Variants in VWA8 observed in about 807,000 individuals in gnomAD.
The protein encoded by VWA8 is von Willebrand factor A domain-containing protein 8.
VWA8 carries 221 observed loss-of-function variants against 241.5 expected under a neutral mutation model. The ratio of observed to expected loss-of-function variants is 0.91; its 90% CI spans 0.82 to 1.02. The LOEUF (loss-of-function observed/expected upper bound fraction) is 1.02, where lower values mean the gene tolerates loss of function less well. Among genes scored for constraint, VWA8 ranks in the 50% least tolerant of loss-of-function variants. VWA8 has a pLI of 0.00. For synonymous variants in VWA8, 852 were observed against 827.1 expected (o/e 1.03, Z -0.52); for missense variants, 2,322 against 2,328.7 (o/e 1.00, Z 0.06).
At chr13:41,916,172 G>A (rs776142618) in intron 2 of VWA8, among the ~76,000 whole-genome samples, 5 of 152,142 alleles carry the variant, frequency 3.3e-5, no homozygotes, top group African/African-American at 4.8e-5. Flanking sequence ...TTAGAACAGT[G>A]TCTAATAACA....
chr13:41,687,265 A>C (rs1313707977), intron 34 of VWA8, among the ~76,000 whole-genome samples: 1 of 152,192 alleles, frequency 6.6e-6, no homozygotes, highest in East Asian at 1.9e-4. Context: ...CATGTTTAAT[A>C]GAATGGTAAC....
chr13:41,832,004 C>A (rs1276161793), intron 13 of VWA8, among the ~76,000 whole-genome samples: 3 of 151,442 alleles, frequency 2.0e-5, no homozygotes, highest in African/African-American at 4.9e-5. Context: ...CATCTCGGCT[C>A]ACTGCAACCT....
chr13:41,953,604 G>C (rs1878229321), intron 1 of VWA8, among the ~76,000 whole-genome samples: 1 of 152,154 alleles, frequency 6.6e-6, no homozygotes, highest in Non-Finnish European at 1.5e-5. Flanking sequence ...CCAGGAGTTT[G>C]AGACCAGCCA....
chr13:41,663,152 T>C (rs2044963330), intron 37 of VWA8, among the ~76,000 whole-genome samples: 3 of 152,142 alleles, frequency 2.0e-5, no homozygotes, highest in Non-Finnish European at 4.4e-5. Context: ...CTTGTTCCAC[T>C]GTATTCAGAA....
chr13:41,661,758 C>T (rs2044951510), intron 37 of VWA8, among the ~76,000 whole-genome samples: 1 of 152,022 alleles, frequency 6.6e-6, no homozygotes, highest in Non-Finnish European at 1.5e-5. Flanking sequence ...GCATTGTATA[C>T]TATTATTACT....
At chr13:41,664,291 C>G (rs2044971983) in intron 37 of VWA8, among the ~76,000 whole-genome samples, 1 of 151,870 alleles carries the variant, frequency 6.6e-6, no homozygotes, top group Admixed American at 6.6e-5. Flanking sequence ...ATTTCTACCA[C>G]TTTTATATGA....
At chr13:41,702,437 C>G (rs2045256393) in intron 27 of VWA8, among the ~76,000 whole-genome samples, 2 of 152,184 alleles carry the variant, frequency 1.3e-5, no homozygotes, top group Non-Finnish European at 2.9e-5. Context: ...TGGCCATCTT[C>G]CTGCAGTGAT....
At chr13:41,817,353 C>A (rs778238418) in intron 15 of VWA8, among the ~76,000 whole-genome samples, 1 of 152,020 alleles carries the variant, frequency 6.6e-6, no homozygotes, top group African/African-American at 2.4e-5. Flanking sequence ...TAACACATAT[C>A]GATTGCTTTT....
intron 44 of VWA8, 117 bp downstream of exon 44, chr13:41,570,351 C>CTGTTT (rs1162398635): frequency 2.3e-6 from 2 of 882,204 alleles, no homozygotes; most frequent in African/African-American, 3.3e-5. Flanking sequence ...ACTTTAGTTT[C>CTGTTT]TGTTTTTCCT....
chr13:41,814,018 T>C (rs1870584146), intron 16 of VWA8, among the ~76,000 whole-genome samples: 1 of 152,178 alleles, frequency 6.6e-6, no homozygotes, highest in Non-Finnish European at 1.5e-5. Flanking sequence ...ATAAAGGTTC[T>C]CATCAGAAAT....
Position 41,573,371 on chromosome 13 carries a change from T to C in VWA8, c.5370+2369A>G, listed in dbSNP as rs375005076. Among the ~76,000 whole-genome samples, 38 of 148,026 alleles carry C rather than the reference T, an allele frequency of 2.6e-4. No homozygotes were observed. In the East Asian group the frequency reaches 5.0e-3, roughly 20 times the overall value. On this transcript the variant is annotated intron_variant, in intron 43 of 44. Transcript: ENST00000379310. ...AGGAGGAGGTCGTAGCGGGCCGAGA[T>C]TGTGCCACTGCACTCTAGCCTGAGC...
chr13:41,768,053 T>C (rs1330782997), intron 20 of VWA8, among the ~76,000 whole-genome samples: 1 of 152,058 alleles, frequency 6.6e-6, no homozygotes. Context: ...AACTAAGGGG[T>C]TTGAGAAGGA....
intron 37 of VWA8, among the ~76,000 whole-genome samples, chr13:41,667,550 CAGA>C (rs1279638132): frequency 6.6e-6 from 1 of 152,166 alleles, no homozygotes; most frequent in Non-Finnish European, 1.5e-5. Flanking sequence ...CAGCAATATA[CAGA>C]AGATTTACTT....
intron 2 of VWA8, chr13:41,926,399 C>A: frequency 1.8e-6 from 1 of 544,534 alleles, no homozygotes; most frequent in South Asian, 1.5e-5. Context: ...TTGAAACTCC[C>A]ATGGTGAACA....
Position 41,614,994 on chromosome 13 carries a change from T to A in VWA8, c.4702A>T (p.Thr1568Ser). The change falls in exon 38 of 45, where the codon ACT becomes TCT. Residue 1568 changes from threonine to serine, a missense_variant. Coordinates refer to ENST00000379310, the MANE Select transcript of VWA8 (RefSeq NM_015058.2). ...TACCAACCTGTTCCGCCAGCCCAAG[T>A]GTTGCCGCCCACGTGAGGCATGTTG... ...PDNMPHVGGN[T>S]WAGGTGGRDT... 6.2e-7 allele frequency: 1 copy of A among 1,613,460 alleles called. No individual in the cohort carries two copies. The highest frequency in any genetic ancestry group is 1.3e-5 in the African/African-American group (1 of 75,010).
At chr13:41,575,035 A>C (rs1270299511) in intron 43 of VWA8, among the ~76,000 whole-genome samples, 1 of 152,206 alleles carries the variant, frequency 6.6e-6, no homozygotes. Context: ...TCAACCAATG[A>C]GTGATAAAGA....
intron 1 of VWA8, among the ~76,000 whole-genome samples, chr13:41,950,842 T>A (rs1290942636): frequency 6.6e-6 from 1 of 151,526 alleles, no homozygotes; most frequent in Non-Finnish European, 1.5e-5. Flanking sequence ...CTAATTTTTG[T>A]ATTTTTAGTA....
chr13:41,880,844 C>T (rs1345661789), intron 9 of VWA8, among the ~76,000 whole-genome samples: 1 of 152,140 alleles, frequency 6.6e-6, no homozygotes, highest in Non-Finnish European at 1.5e-5. Context: ...GTTTTGTAGT[C>T]AACTGAGTCT....
At chr13:41,634,906 G>C (rs2044747333) in intron 37 of VWA8, among the ~76,000 whole-genome samples, 1 of 152,088 alleles carries the variant, frequency 6.6e-6, no homozygotes, top group African/African-American at 2.4e-5. Flanking sequence ...TTGAAGTTAA[G>C]AAAATTTTTT....
Sources: allele counts gnomAD v4.1 joint callset (sites outside exome capture counted in the v4.1 genomes callset), GRCh38; gene constraint gnomAD v4.1.1; transcripts MANE v1.5; gene names NCBI Gene and HGNC (gene_info 2026-07-23, HGNC 2026-07-21).